Variants in RASAL2 observed in about 807,000 individuals in gnomAD.
RASAL2 encodes RAS protein activator like 2.
Under a neutral mutation model 128.9 loss-of-function variants are expected in RASAL2, and 58 were observed. That is an observed-to-expected ratio of 0.45 (90% CI 0.36 to 0.56). RASAL2 has a LOEUF of 0.56. Among genes scored for constraint, RASAL2 ranks in the 20% least tolerant of loss-of-function variants. The pLI is 0.00. For synonymous variants in RASAL2, 561 were observed against 580.8 expected, an observed-to-expected ratio of 0.97 and a Z score of 0.49; for missense variants, 1,360 against 1,601.6, an observed-to-expected ratio of 0.85 and a Z score of 2.57.
intron 3 of RASAL2, among the ~76,000 whole-genome samples, chr1:178,326,290 A>G (rs2102351778): frequency 6.6e-6 from 1 of 152,322 alleles, no homozygotes; most frequent in Middle Eastern, 3.4e-3. Context: ...CCCATCAGGG[A>G]ATAAGAGAAT....
At chr1:178,163,513 C>T (rs1661406835) in intron 1 of RASAL2, among the ~76,000 whole-genome samples, 1 of 152,096 alleles carries the variant, frequency 6.6e-6, no homozygotes. Context: ...CTTTATACTT[C>T]TGCATGTGGA....
At chr1:178,438,881 C>CTCTCTG (rs1239809916) in intron 5 of RASAL2, among the ~76,000 whole-genome samples, 1 of 129,392 alleles carries the variant, frequency 7.7e-6, no homozygotes, top group African/African-American at 2.7e-5. Context: ...AGCTTCGACT[C>CTCTCTG]TGTGTGTGTG....
In RASAL2 at chr1:178,458,247, C is replaced by A; in HGVS notation, c.2955C>A (p.Phe985Leu). ...AACGTAGCACTCAGAGTGAGGACTT[C>A]TCCAGGCGGCACACGGTGCCAGATA... ...FTKRSTQSEDFSRRHTVPDRH... is the reference protein window; with the variant it reads ...FTKRSTQSEDLSRRHTVPDRH... Residue 985 changes from phenylalanine to leucine, a missense_variant, in exon 14 of 18, where the codon TTC becomes TTA. Transcript: ENST00000367649. The A allele has an allele frequency of 6.2e-7, 1 of 1,614,264 alleles. No individual in the cohort carries two copies. Among genetic ancestry groups the A allele is most frequent in the Non-Finnish European group, 8.5e-7 (1 of 1,180,052 alleles).
chr1:178,102,892 A>G (rs1446155390), intron 1 of RASAL2, among the ~76,000 whole-genome samples: 1 of 152,188 alleles, frequency 6.6e-6, no homozygotes, highest in Non-Finnish European at 1.5e-5. Context: ...CGTGCATAGA[A>G]GCAAATGTAG....
chr1:178,464,831 G>GTTTTTGTTT (rs1647490849), intron 15 of RASAL2, among the ~76,000 whole-genome samples: 1 of 38,198 alleles, frequency 2.6e-5, no homozygotes, highest in Non-Finnish European at 4.4e-5. Context: ...GGTTTTAGTT[G>GTTTTTGTTT]TTTTTTTTTT....
At chr1:178,241,910 T>C (rs189433805) in intron 1 of RASAL2, among the ~76,000 whole-genome samples, 5 of 152,346 alleles carry the variant, frequency 3.3e-5, no homozygotes, top group Admixed American at 2.0e-4. Flanking sequence ...CTTCTCTTGC[T>C]ATGGTGGTGT....
chr1:178,229,543 A>ATT (rs146103521), intron 1 of RASAL2, among the ~76,000 whole-genome samples: 5 of 150,802 alleles, frequency 3.3e-5, no homozygotes, highest in Non-Finnish European at 7.4e-5. Context: ...TAGGCTATGC[A>ATT]TTTTTTTTGC....
intron 3 of RASAL2, among the ~76,000 whole-genome samples, chr1:178,306,217 G>T (rs1256232883): frequency 6.6e-6 from 1 of 152,148 alleles, no homozygotes; most frequent in Non-Finnish European, 1.5e-5. Flanking sequence ...TCCCTACAAA[G>T]GACATGAACT....
At chr1:178,446,112 C>G (rs535815136) in intron 9 of RASAL2, among the ~76,000 whole-genome samples, 10 of 152,210 alleles carry the variant, frequency 6.6e-5, no homozygotes, top group Non-Finnish European at 1.3e-4. Flanking sequence ...CTGCCTTTCT[C>G]TAGAATTTTT....
intron 12 of RASAL2, 72 bp downstream of exon 12, chr1:178,454,720 C>A: frequency 7.5e-7 from 1 of 1,327,402 alleles, no homozygotes; most frequent in Non-Finnish European, 1.1e-6. Context: ...AGAGTGATAG[C>A]ACTCACTCTT....
rs541833618 is a variant in RASAL2, at chr1:178,258,323, AAGG to A, written c.203-25239_203-25237del. Among the ~76,000 whole-genome samples, 802 of 151,902 alleles carry A rather than the reference AAGG, an allele frequency of 5.3e-3. 11 individuals carry two copies. Among genetic ancestry groups the A allele is most frequent in the African/African-American group, 0.018 (750 of 41,418 alleles). ...AAAAAAAAAAAAAAGACGACAGTGA[AAGG>A]ACATCCCCACAGAATGGAAGAAAAA... On this transcript the variant is annotated intron_variant, in intron 1 of 17. Transcript: ENST00000367649.
intron 5 of RASAL2, among the ~76,000 whole-genome samples, chr1:178,428,742 G>A (rs187908424): frequency 6.6e-5 from 10 of 152,106 alleles, no homozygotes; most frequent in Admixed American, 6.6e-4. Context: ...GGCATGAGCT[G>A]TGGCACCAGG....
intron 12 of RASAL2, among the ~76,000 whole-genome samples, chr1:178,456,058 G>T (rs1318072292): frequency 6.6e-6 from 1 of 152,154 alleles, no homozygotes; most frequent in Non-Finnish European, 1.5e-5. Flanking sequence ...AATACATCTA[G>T]ACATATCTCA....
intron 1 of RASAL2, among the ~76,000 whole-genome samples, chr1:178,183,527 T>C (rs1333102870): frequency 1.3e-5 from 2 of 152,220 alleles, no homozygotes; most frequent in South Asian, 2.1e-4. Flanking sequence ...AGCCAACTTA[T>C]ATGTTTACCA....
intron 1 of RASAL2, among the ~76,000 whole-genome samples, chr1:178,158,202 G>A (rs1455246865): frequency 6.6e-6 from 1 of 152,134 alleles, no homozygotes; most frequent in Non-Finnish European, 1.5e-5. Flanking sequence ...TTTTGAGTTT[G>A]CAGCCTTGCT....
intron 1 of RASAL2, among the ~76,000 whole-genome samples, chr1:178,249,519 C>T (rs760117386): frequency 4.0e-5 from 6 of 151,890 alleles, no homozygotes; most frequent in Non-Finnish European, 8.8e-5. Flanking sequence ...TTGTTATTAC[C>T]CACCTTCTGA....
intron 1 of RASAL2, among the ~76,000 whole-genome samples, chr1:178,152,773 A>C (rs1660958776): frequency 6.6e-6 from 1 of 152,236 alleles, no homozygotes; most frequent in Admixed American, 6.5e-5. Context: ...ACCATTACTC[A>C]GCTTCAACAG....
intron 1 of RASAL2, among the ~76,000 whole-genome samples, chr1:178,260,093 C>T (rs7519052): frequency 0.11 from 16,284 of 151,102 alleles, 1,094 homozygotes; most frequent in African/African-American, 0.19. Context: ...TGGCTCACGC[C>T]TGTAATCCCA....
chr1:178,355,592 A>T (rs1349299963), intron 3 of RASAL2, among the ~76,000 whole-genome samples: 2 of 152,228 alleles, frequency 1.3e-5, no homozygotes, highest in Non-Finnish European at 2.9e-5. Context: ...TTATTAAATC[A>T]AATAGAAAAA....
Sources: gnomAD v4.1 joint callset for allele counts (sites outside exome capture counted in the v4.1 genomes callset) on GRCh38, gnomAD v4.1.1 for gene constraint, MANE v1.5 for transcripts, NCBI Gene and HGNC (gene_info 2026-07-23, HGNC 2026-07-21) for gene names.